STAB2: variants seen among roughly 807,000 people sequenced by gnomAD.
STAB2 encodes stabilin 2.
Under a neutral mutation model 338.1 loss-of-function variants are expected in STAB2, and 288 were observed. The observed-to-expected ratio is 0.85, with a 90% confidence interval of 0.77 to 0.94. The LOEUF is 0.94. Ranked by LOEUF, STAB2 falls within the 40% of genes least tolerant of loss-of-function variation. STAB2 has a pLI of 0.00. For missense variants in STAB2, 3,141 were observed against 3,210.1 expected (o/e 0.98, Z 0.52); for synonymous variants, 1,202 against 1,193.3 (o/e 1.01, Z -0.15).
Position 103,693,442 on chromosome 12 carries a change from C to CA in STAB2, c.3375+563dup, listed in dbSNP as rs916003926. ...ACAGAGCGAGACTGTCTCACAAAAA[C>CA]AAAAAAAAAACACACTTGAGCTTAA... is the stretch of plus-strand genomic sequence containing the variant. On this transcript the variant is annotated intron_variant, in intron 31 of 68. Transcript: ENST00000388887. Among the ~76,000 whole-genome samples, 556 of 146,378 alleles carry CA rather than the reference C, an allele frequency of 3.8e-3. 6 individuals are homozygous for CA. The highest frequency in any genetic ancestry group is 0.01 in the African/African-American group (413 of 40,048).
At chr12:103,632,777 A>G (rs181172275) in intron 6 of STAB2, among the ~76,000 whole-genome samples, 19 of 152,250 alleles carry the variant, frequency 1.2e-4, no homozygotes, top group South Asian at 4.1e-4. Flanking sequence ...GTGTCCCGCC[A>G]GCGCCCTCTA....
intron 2 of STAB2, chr12:103,592,112 T>C (rs1234427324): frequency 2.0e-5 from 3 of 152,214 alleles, no homozygotes; most frequent in African/African-American, 4.8e-5. Flanking sequence ...GCAGTGGGTA[T>C]CATCAGATGG....
intron 19 of STAB2, 99 bp from the exon 20 acceptor site, chr12:103,668,544 G>A: frequency 2.7e-6 from 3 of 1,104,968 alleles, no homozygotes; most frequent in Non-Finnish European, 4.0e-6. Context: ...CGTCAGTGGT[G>A]AAATGGAAGT....
At chr12:103,673,760 A>G in intron 22 of STAB2, 147 bp from the exon 23 acceptor site, 1 of 843,104 alleles carries the variant, frequency 1.2e-6, no homozygotes, top group Non-Finnish European at 1.8e-6. Context: ...TAGCAGCCTA[A>G]GTCTTCTCCC....
chr12:103,666,291 G>T lies in STAB2; in HGVS notation c.2023G>T (p.Gly675Cys). 1.2e-6 allele frequency: 2 copies of T among 1,613,914 alleles called. No homozygotes were observed. Among genetic ancestry groups the T allele is most frequent in the Non-Finnish European group, 1.7e-6 (2 of 1,179,994 alleles). Residue 675 changes from glycine to cysteine, a missense_variant and splice_region_variant, in exon 19 of 69, where the codon GGC (glycine) becomes TGC (cysteine). By Grantham distance (159) the Gly-to-Cys change is radical. Transcript: ENST00000388887. ...ACTGACCTCCTGTCTCTCCCTCCAG[G>T]GCACTTGTGTGAGCTGTTCTCTGGT... Reference protein sequence around the residue: ...CDETKREMKLGTCVSCSLVYW... With the variant: ...CDETKREMKLCTCVSCSLVYW...
rs781665883 is a variant in STAB2, at chr12:103,660,701, A to G, written c.1807A>G (p.Ile603Val). Residue 603 changes from isoleucine (I) to valine (V), a missense_variant, in exon 17 of 69, where the codon ATC becomes GTC. Physicochemically the swap from Ile to Val is conservative, Grantham distance 29. Coordinates refer to ENST00000388887, the MANE Select transcript of STAB2 (RefSeq NM_017564.10). ...PFTQLEVATLISTPHIRSMAN... is the reference protein window; with the variant it reads ...PFTQLEVATLVSTPHIRSMAN... ...ATTGCAGCTTGAAGTGGCCACTCTC[A>G]TCTCCACCCCTCACATCAGGAGCAT... 1 of 1,613,962 alleles carries G rather than the reference A, an allele frequency of 6.2e-7. No individual in the cohort carries two copies. Among genetic ancestry groups the G allele is most frequent in the Non-Finnish European group, 8.5e-7 (1 of 1,179,994 alleles).
At chr12:103,631,074 C>G (rs764529805) in intron 5 of STAB2, among the ~76,000 whole-genome samples, 1 of 152,190 alleles carries the variant, frequency 6.6e-6, no homozygotes, top group Non-Finnish European at 1.5e-5. Context: ...TTTATCATCC[C>G]TGAAATGATC....
At chr12:103,606,685 T>C (rs551294856) in intron 3 of STAB2, among the ~76,000 whole-genome samples, 26 of 152,294 alleles carry the variant, frequency 1.7e-4, no homozygotes, top group African/African-American at 6.3e-4. Flanking sequence ...AGTTATATTG[T>C]TTCTAATAAG....
chr12:103,712,531 T>G, intron 41 of STAB2, 88 bp downstream of exon 41: 1 of 1,011,534 alleles, frequency 9.9e-7, no homozygotes, highest in Admixed American at 1.8e-5. Context: ...TGAATGGGCC[T>G]CAGCAGCTGG....
Position 103,677,596 on chromosome 12 carries a change from T to C in STAB2, c.2790T>C (p.Tyr930=), listed in dbSNP as rs144387519. Residue 930 remains tyrosine (Y), a synonymous_variant, in exon 25 of 69, where the codon TAT becomes TAC. Coordinates refer to ENST00000388887, the MANE Select transcript of STAB2 (RefSeq NM_017564.10). ...GGCHDNASCL[Y]VGPGQNECEC... Reference sequence around the variant, plus strand: ...GCCACGACAACGCATCCTGTTTGTATGTGGGTCCCGGGCAGGTAGGTTGGA... The same window carrying C: ...GCCACGACAACGCATCCTGTTTGTACGTGGGTCCCGGGCAGGTAGGTTGGA... 423 of 1,613,116 alleles carry C rather than the reference T, an allele frequency of 2.6e-4. No individual in the cohort carries two copies. The highest frequency in any genetic ancestry group is 3.5e-4 in the Non-Finnish European group (407 of 1,179,152).
Position 103,620,475 on chromosome 12 carries a change from A to G in STAB2, c.339A>G (p.Pro113=), listed in dbSNP as rs1212397927. The change falls in exon 4 of 69, where the codon CCA becomes CCG. Residue 113 remains proline, a synonymous_variant. Transcript: ENST00000388887. ...GRWGPDCIEC[P]GGAGSPCNGR... ...AGCTGTTTGATTCCCTAGAGTGCCC[A>G]GGTGGAGCGGGGTCACCCTGCAATG... 3 of 1,581,740 alleles carry G rather than the reference A, an allele frequency of 1.9e-6. No individual in the cohort carries two copies. Among genetic ancestry groups the G allele is most frequent in the Non-Finnish European group, 2.6e-6 (3 of 1,162,418 alleles).
chr12:103,750,453 A>G (rs1489224625), intron 59 of STAB2, 126 bp from the exon 60 acceptor site: 1 of 1,212,980 alleles, frequency 8.2e-7, no homozygotes, highest in Non-Finnish European at 1.2e-6. Context: ...CCCACTGGAC[A>G]GGAAAGGCAC....
intron 3 of STAB2, among the ~76,000 whole-genome samples, chr12:103,619,722 A>C (rs1957266461): frequency 1.3e-5 from 2 of 150,964 alleles, no homozygotes; most frequent in East Asian, 2.0e-4. Flanking sequence ...ATTGGCCCCA[A>C]CTGTCCCATT....
At chr12:103,661,142 A>G (rs1247532620) in intron 17 of STAB2, among the ~76,000 whole-genome samples, 1 of 150,632 alleles carries the variant, frequency 6.6e-6, no homozygotes, top group African/African-American at 2.4e-5. Flanking sequence ...GGAGGTCCTC[A>G]TTGAGGAGGT....
Position 103,753,344 on chromosome 12 carries a change from T to C in STAB2, c.6705T>C (p.Tyr2235=). ...ATMATYNQLS[Y]AQKAKYHLCS... ...TGGCAACCTACAACCAGCTCTCCTA[T>C]GCCCAGAAGGTGGGTCTTCAGTTAG... The change falls in exon 61 of 69, where the codon TAT becomes TAC. Residue 2235 remains tyrosine (Y), a synonymous_variant. Coordinates refer to ENST00000388887, the MANE Select transcript of STAB2 (RefSeq NM_017564.10). The C allele has an allele frequency of 6.2e-7, 1 of 1,614,226 alleles. No homozygotes were observed. Among genetic ancestry groups the C allele is most frequent in the East Asian group, 2.2e-5 (1 of 44,884 alleles).
chr12:103,609,369 G>A (rs1351359406), intron 3 of STAB2, among the ~76,000 whole-genome samples: 1 of 152,172 alleles, frequency 6.6e-6, no homozygotes, highest in African/African-American at 2.4e-5. Context: ...TCATTGAGCA[G>A]TGGTTTGTAG....
intron 50 of STAB2, 97 bp downstream of exon 50, chr12:103,731,732 C>T (rs1278655078): frequency 2.3e-6 from 3 of 1,285,166 alleles, no homozygotes; most frequent in African/African-American, 3.0e-5. Context: ...TTGACATTGG[C>T]CAGCTGTTGT....
At chr12:103,693,291 CA>C (rs145446997) in intron 31 of STAB2, among the ~76,000 whole-genome samples, 15 of 144,440 alleles carry the variant, frequency 1.0e-4, no homozygotes, top group South Asian at 2.2e-4. Flanking sequence ...CTCTCTCTAC[CA>C]AAAAAAAAAG....
At chr12:103,646,612 T>TCAGGTCCA (rs1265587323) in intron 9 of STAB2, among the ~76,000 whole-genome samples, 1 of 152,226 alleles carries the variant, frequency 6.6e-6, no homozygotes, top group Non-Finnish European at 1.5e-5. Context: ...TATTTTGTTT[T>TCAGGTCCA]CAGGTCCATC....
Sources: gnomAD v4.1 joint callset for allele counts (sites outside exome capture counted in the v4.1 genomes callset) on GRCh38, gnomAD v4.1.1 for gene constraint, MANE v1.5 for transcripts, NCBI Gene and HGNC (gene_info 2026-07-23, HGNC 2026-07-21) for gene names.